PSMG4: variants seen among roughly 807,000 people sequenced by gnomAD.
PSMG4 encodes the protein proteasome (prosome, macropain) assembly chaperone 4.
PSMG4 carries 10 observed loss-of-function variants against 11.0 expected under a neutral mutation model. The ratio of observed to expected loss-of-function variants is 0.91; its 90% CI spans 0.56 to 1.54. PSMG4 has a LOEUF of 1.54. Ranked by LOEUF, PSMG4 falls within the 40% of genes most tolerant of loss-of-function variation. The pLI is 0.00. For missense variants in PSMG4, 198 were observed against 160.9 expected, an observed-to-expected ratio of 1.23 and a Z score of -1.25; for synonymous variants, 95 against 71.3, an observed-to-expected ratio of 1.33 and a Z score of -1.68.
chr6:3,259,320 A>ACCCGTGGGATGTCTTAGGAAGCCCG (rs1161102932), intron 1 of PSMG4, 124 bp downstream of exon 1: 1 of 918,098 alleles, frequency 1.1e-6, no homozygotes, highest in African/African-American at 1.7e-5. Flanking sequence ...CCCGAAGCCC[A>ACCCGTGGGATGTCTTAGGAAGCCCG]CCCGTGGGAT....
Position 3,259,062 on chromosome 6 carries a change from C to A in PSMG4, c.40C>A (p.Leu14Met), listed in dbSNP as rs201036341. The A allele has an allele frequency of 2.3e-5, 29 of 1,266,522 alleles. 1 individual carries two copies. In the South Asian group the frequency reaches 7.3e-4, roughly 32 times the overall value. The allele number at this position is 1,266,522 out of a possible 1,614,324, so 78.5% of individuals were successfully genotyped here. A position where few individuals can be genotyped will look rare whatever the true frequency, so the allele number is the denominator to read the frequency against. Residue 14 changes from leucine to methionine, a missense_variant, in exon 1 of 3, where the codon CTG becomes ATG. By Grantham distance (15) the Leu-to-Met change is conservative. Transcript: ENST00000438998. ...TGTCGCCGCCGGCGGGGACGTCTCC[C>A]TGCACAACTTCAGCGCGAGGCTGTG... ...LVVAAGGDVS[L>M]HNFSARLWEQ...
upstream of PSMG4, among the ~76,000 whole-genome samples, chr6:3,257,167 G>A (rs559021031): frequency 2.0e-5 from 3 of 152,310 alleles, no homozygotes; most frequent in East Asian, 5.8e-4. Context: ...AGAAGCAAGG[G>A]CATCTGCTGA....
upstream of PSMG4, chr6:3,258,928 G>A (rs1345866760): frequency 6.9e-6 from 8 of 1,165,928 alleles, no homozygotes; most frequent in East Asian, 2.6e-4. Context: ...GCGAAAGCGC[G>A]CTCGGTCTCT....
rs573267548 is a variant in PSMG4 at position 3,261,334 on chromosome 6, G to A, written c.174+2138G>A. 3.9e-5 allele frequency among the ~76,000 whole-genome samples: 6 copies of A among 152,270 alleles called. No homozygotes were observed. The South Asian group carries it at 1.2e-3, about 32-fold the overall frequency. ...GACCAGGGGTGATGGGTGGGGCTGT[G>A]TGCTCTGTGCCACCTCGCATTCTCT... On this transcript the variant is annotated intron_variant, in intron 1 of 2. Transcript: ENST00000438998.
At chr6:3,260,797 G>A (rs1187418866) in intron 1 of PSMG4, among the ~76,000 whole-genome samples, 1 of 152,200 alleles carries the variant, frequency 6.6e-6, no homozygotes, top group Non-Finnish European at 1.5e-5. Context: ...ATAGTTTTAA[G>A]ACTGAAGTTG....
At chr6:3,254,833 C>G (rs112049654), upstream of PSMG4, among the ~76,000 whole-genome samples, 35 of 152,260 alleles carry the variant, frequency 2.3e-4, no homozygotes, top group African/African-American at 8.4e-4. Context: ...CACAGTGGGA[C>G]CTTAGAAAAC....
chr6:3,263,905 G>T (rs1397206465), intron 2 of PSMG4, 146 bp downstream of exon 2: 17 of 1,443,602 alleles, frequency 1.2e-5, no homozygotes, highest in Non-Finnish European at 1.8e-6. Context: ...ACCTTTGCAC[G>T]TTGGGTCTTA....
At chr6:3,257,960 C>T (rs1757821646), upstream of PSMG4, among the ~76,000 whole-genome samples, 1 of 152,242 alleles carries the variant, frequency 6.6e-6, no homozygotes, top group African/African-American at 2.4e-5. Flanking sequence ...AAAATGCCCT[C>T]TTAAATTTCA....
intron 1 of PSMG4, among the ~76,000 whole-genome samples, chr6:3,262,664 AC>A (rs1215740724): frequency 6.6e-6 from 1 of 151,932 alleles, no homozygotes; most frequent in Non-Finnish European, 1.5e-5. Context: ...GGGGAACCAA[AC>A]CCCAAAGTCT....
intron 2 of PSMG4, chr6:3,266,385 C>T (rs576893862): frequency 2.6e-5 from 4 of 152,262 alleles, no homozygotes; most frequent in African/African-American, 4.8e-5. Context: ...TCAGCCTCAC[C>T]GCACCACCCT....
chr6:3,254,557 T>C (rs1273396930), upstream of PSMG4, among the ~76,000 whole-genome samples: 2 of 152,196 alleles, frequency 1.3e-5, no homozygotes, highest in African/African-American at 4.8e-5. Context: ...AGATTTGTTC[T>C]CGGGGTTTGT....
intron 2 of PSMG4, 90 bp from the exon 3 acceptor site, chr6:3,267,501 C>G (rs1325059825): frequency 2.8e-6 from 4 of 1,446,988 alleles, no homozygotes; most frequent in African/African-American, 1.4e-5. Context: ...CATCCTCTTT[C>G]TGAGCATTTC....
At chr6:3,264,498 T>A (rs947539868) in intron 2 of PSMG4, 4 of 1,256,638 alleles carry the variant, frequency 3.2e-6, no homozygotes, top group African/African-American at 1.5e-5. Context: ...CAGGAACCTC[T>A]GTGTCAGTCA....
chr6:3,265,803 C>T (rs988244141), intron 2 of PSMG4: 11 of 152,224 alleles, frequency 7.2e-5, no homozygotes, highest in African/African-American at 2.4e-5. Flanking sequence ...CTCTCCGCCT[C>T]GGGGGCACAC....
At chr6:3,260,291 A>ATCTTTTTTTTTT in intron 1 of PSMG4, among the ~76,000 whole-genome samples, 1 of 70,842 alleles carries the variant, frequency 1.4e-5, no homozygotes, top group Non-Finnish European at 2.5e-5. Context: ...ATATATATAT[A>ATCTTTTTTTTTT]TTTTTTTTTT....
chr6:3,259,433 A>G (rs990322673), intron 1 of PSMG4, among the ~76,000 whole-genome samples: 1 of 152,178 alleles, frequency 6.6e-6, no homozygotes, highest in African/African-American at 2.4e-5. Context: ...TGCGTCCCGC[A>G]CTGGTCTCTG....
At chr6:3,261,026 C>G (rs1391079633) in intron 1 of PSMG4, among the ~76,000 whole-genome samples, 1 of 152,106 alleles carries the variant, frequency 6.6e-6, no homozygotes. Flanking sequence ...TTCTCTAGCT[C>G]CTGATGCACC....
chr6:3,259,387 C>T (rs971766988), intron 1 of PSMG4, among the ~76,000 whole-genome samples, 191 bp downstream of exon 1: 1 of 152,308 alleles, frequency 6.6e-6, no homozygotes, highest in East Asian at 1.9e-4. Flanking sequence ...TGCGCGCGGG[C>T]CCCGGGCCCC....
chr6:3,263,327 C>T (rs138728410), intron 1 of PSMG4, among the ~76,000 whole-genome samples: 26 of 152,280 alleles, frequency 1.7e-4, no homozygotes, highest in Non-Finnish European at 2.9e-4. Flanking sequence ...GAGTCACTTT[C>T]TTCTTGCTGT....
Sources: gnomAD v4.1 joint callset for allele counts (sites outside exome capture counted in the v4.1 genomes callset) on GRCh38, gnomAD v4.1.1 for gene constraint, MANE v1.5 for transcripts, NCBI Gene and HGNC (gene_info 2026-07-23, HGNC 2026-07-21) for gene names.